SMAD5: variants seen among roughly 807,000 people sequenced by gnomAD.
The protein encoded by SMAD5 is SMAD family member 5, also known as MAD, mothers against decapentaplegic homolog 5.
SMAD5 carries 9 observed loss-of-function variants against 43.1 expected under a neutral mutation model. The observed-to-expected ratio is 0.21, with a 90% CI of 0.13 to 0.36. The LOEUF (loss-of-function observed/expected upper bound fraction) is 0.36. Ranked by LOEUF, SMAD5 falls within the 10% of genes least tolerant of loss-of-function variation. The pLI, the probability that SMAD5 is intolerant of heterozygous loss-of-function variation, is 1.00. For missense variants in SMAD5, 348 were observed against 574.0 expected, an observed-to-expected ratio of 0.61 and a Z score of 4.02; for synonymous variants, 190 against 192.4, an observed-to-expected ratio of 0.99 and a Z score of 0.10.
At chr5:136,161,151 A>G in intron 4 of SMAD5, 44 bp downstream of exon 4, 1 of 1,579,246 alleles carries the variant, frequency 6.3e-7, no homozygotes. Context: ...AAAATTCCTA[A>G]GAATCACAGT....
At chr5:136,164,601 T>G (rs1753933282) in intron 5 of SMAD5, among the ~76,000 whole-genome samples, 1 of 152,242 alleles carries the variant, frequency 6.6e-6, no homozygotes, top group Admixed American at 6.5e-5. Flanking sequence ...GAATTTTTTG[T>G]ATATTCTGGA....
At chr5:136,149,917 T>G (rs1174799645) in intron 2 of SMAD5, among the ~76,000 whole-genome samples, 1 of 151,898 alleles carries the variant, frequency 6.6e-6, no homozygotes, top group Non-Finnish European at 1.5e-5. Context: ...ATTGTTCTTT[T>G]TGAAACCAAT....
chr5:136,142,782 A>G (rs1753125872), intron 1 of SMAD5, among the ~76,000 whole-genome samples: 1 of 152,022 alleles, frequency 6.6e-6, no homozygotes. Flanking sequence ...TTAATGCCCT[A>G]TTTCTGTTGG....
chr5:136,179,174 A>G lies in SMAD5; in HGVS notation c.*1694A>G, dbSNP rs1439418479. On this transcript the variant is annotated 3_prime_UTR_variant, in exon 8 of 8. Transcript: ENST00000545279. Reference sequence around the variant, plus strand: ...GTGGAAGCTAGTCTCCCAAAACACAATCTTTAGAGAGAAAAGACATGAACG... The same window carrying G: ...GTGGAAGCTAGTCTCCCAAAACACAGTCTTTAGAGAGAAAAGACATGAACG... The G allele has an allele frequency of 2.0e-5, 3 of 152,380 alleles. No individual in the cohort carries two copies. The highest frequency in any genetic ancestry group is 1.3e-4 in the Admixed American group (2 of 15,284). 9.4% of individuals were successfully genotyped at this position (152,380 alleles called of 1,614,324 possible). A position where few individuals can be genotyped will look rare whatever the true frequency, so the allele number is the denominator to read the frequency against.
chr5:136,136,253 C>T (rs1752872686), intron 1 of SMAD5, among the ~76,000 whole-genome samples: 1 of 152,228 alleles, frequency 6.6e-6, no homozygotes, highest in South Asian at 2.1e-4. Flanking sequence ...TCTTGGCTCA[C>T]TGCAACCTCC....
At chr5:136,166,739 T>A (rs936896397) in intron 5 of SMAD5, among the ~76,000 whole-genome samples, 2 of 152,206 alleles carry the variant, frequency 1.3e-5, no homozygotes, top group East Asian at 1.9e-4. Flanking sequence ...CTTTTAAAAA[T>A]ATGGACTGTA....
intron 5 of SMAD5, among the ~76,000 whole-genome samples, chr5:136,172,189 C>T (rs1013704526): frequency 6.6e-6 from 1 of 152,146 alleles, no homozygotes; most frequent in Admixed American, 6.5e-5. Flanking sequence ...TATTTTATAG[C>T]CTGAGCAAGC....
intron 3 of SMAD5, among the ~76,000 whole-genome samples, chr5:136,155,790 G>C (rs1753615197): frequency 6.6e-6 from 1 of 152,178 alleles, no homozygotes; most frequent in Non-Finnish European, 1.5e-5. Context: ...TGACTGACAT[G>C]AGCAGAGTCT....
intron 3 of SMAD5, among the ~76,000 whole-genome samples, chr5:136,158,989 G>A (rs1284182378): frequency 6.6e-6 from 1 of 152,074 alleles, no homozygotes; most frequent in African/African-American, 2.4e-5. Context: ...AATGATAGGC[G>A]TTTAACAGAT....
chr5:136,164,943 T>C (rs2149775771), intron 5 of SMAD5, among the ~76,000 whole-genome samples: 1 of 152,342 alleles, frequency 6.6e-6, no homozygotes, highest in African/African-American at 2.4e-5. Flanking sequence ...AGAAATCCAG[T>C]TGGCTTTGCC....
At chr5:136,133,213 G>A (rs1752736400) in intron 1 of SMAD5, 1 of 152,292 alleles carries the variant, frequency 6.6e-6, no homozygotes, top group Non-Finnish European at 1.5e-5. Context: ...GCTGGCCCTC[G>A]TCCCAGCCCC....
intron 1 of SMAD5, among the ~76,000 whole-genome samples, chr5:136,141,333 A>G (rs1753075635): frequency 6.6e-6 from 1 of 152,142 alleles, no homozygotes; most frequent in Non-Finnish European, 1.5e-5. Flanking sequence ...ATTTGTAGTA[A>G]CAGGACACAC....
intron 7 of SMAD5, among the ~76,000 whole-genome samples, chr5:136,175,508 A>G (rs990223195): frequency 1.4e-4 from 21 of 152,216 alleles, no homozygotes; most frequent in African/African-American, 5.1e-4. Context: ...GGAACTTTTC[A>G]AGTTTTTCAT....
chr5:136,141,935 TG>T (rs1200662198), intron 1 of SMAD5, among the ~76,000 whole-genome samples: 2,010 of 152,334 alleles, frequency 0.013, 42 homozygotes, highest in African/African-American at 0.046. Flanking sequence ...GAGGTATAGC[TG>T]CACTTTAATT....
intron 1 of SMAD5, chr5:136,133,179 G>C (rs963571187): frequency 6.6e-6 from 1 of 152,430 alleles, no homozygotes; most frequent in Non-Finnish European, 1.5e-5. Flanking sequence ...CTGGCTGCCC[G>C]GGGCGTCCTG....
chr5:136,164,941 A>C (rs1753946691), intron 5 of SMAD5, among the ~76,000 whole-genome samples: 1 of 152,214 alleles, frequency 6.6e-6, no homozygotes, highest in Non-Finnish European at 1.5e-5. Flanking sequence ...ATAGAAATCC[A>C]GTTGGCTTTG....
chr5:136,135,414 T>A (rs1186522124), intron 1 of SMAD5, among the ~76,000 whole-genome samples: 1 of 152,210 alleles, frequency 6.6e-6, no homozygotes, highest in Non-Finnish European at 1.5e-5. Context: ...ACATTATGAT[T>A]TGCAGTGATG....
At chr5:136,140,364 C>G (rs1035696148) in intron 1 of SMAD5, among the ~76,000 whole-genome samples, 1 of 152,166 alleles carries the variant, frequency 6.6e-6, no homozygotes, top group African/African-American at 2.4e-5. Context: ...CCTTAGAGTA[C>G]TGTAAAAGCT....
Position 136,147,064 on chromosome 5 carries a change from TAGGAAAAATATTTTTTA to T in SMAD5, c.-244-749_-244-733del, listed in dbSNP as rs1753282264. Among the ~76,000 whole-genome samples, 11 of 151,732 alleles carry T rather than the reference TAGGAAAAATATTTTTTA, an allele frequency of 7.2e-5. No homozygotes were observed. In the South Asian group the frequency reaches 1.7e-3, roughly 23 times the overall value. The stretch of plus-strand genomic sequence containing the variant: ...TGGTATGATTATAGGTGAGTATACT[TAGGAAAAATATTTTTTA>T]AGGAAAAATATTTTTTAAAAAGTGG... On this transcript the variant is annotated intron_variant, in intron 1 of 7. Coordinates refer to ENST00000545279, the MANE Select transcript of SMAD5 (RefSeq NM_005903.7).
Sources: gnomAD v4.1 joint callset for allele counts (sites outside exome capture counted in the v4.1 genomes callset) on GRCh38, gnomAD v4.1.1 for gene constraint, MANE v1.5 for transcripts, NCBI Gene and HGNC (gene_info 2026-07-23, HGNC 2026-07-21) for gene names.